The following SH3GL2 variants were observed in gnomAD, a reference collection of about 807,000 sequenced individuals.
SH3GL2 encodes SH3 domain containing GRB2 like 2, endophilin A1, also known as endophilin-A1.
Under a neutral mutation model 46.0 loss-of-function variants are expected in SH3GL2, and 24 were observed. That is an observed-to-expected ratio of 0.52 (90% CI 0.38 to 0.73). The LOEUF (loss-of-function observed/expected upper bound fraction) is 0.73, where lower values mean the gene tolerates loss of function less well. Among genes scored for constraint, SH3GL2 ranks in the 30% least tolerant of loss-of-function variants. The probability of loss-of-function intolerance (pLI) is 0.00; values close to 1 mark genes in which losing one functional copy is unlikely to be tolerated. For synonymous variants in SH3GL2, 196 were observed against 147.1 expected (o/e 1.33, Z -2.40); for missense variants, 413 against 424.2 (o/e 0.97, Z 0.23).
chr9:17,782,027 A>C (rs530256162), intron 3 of SH3GL2, among the ~76,000 whole-genome samples: 2 of 152,260 alleles, frequency 1.3e-5, no homozygotes, highest in African/African-American at 4.8e-5. Context: ...CCCCCTAGAC[A>C]TAGCACTTGC....
chr9:17,679,801 C>G (rs1197641966), intron 1 of SH3GL2, among the ~76,000 whole-genome samples: 1 of 152,010 alleles, frequency 6.6e-6, no homozygotes, highest in African/African-American at 2.4e-5. Flanking sequence ...GAGATATGTC[C>G]CATCAATACC....
At chr9:17,687,922 A>G (rs1223772196) in intron 1 of SH3GL2, among the ~76,000 whole-genome samples, 4 of 152,134 alleles carry the variant, frequency 2.6e-5, no homozygotes, top group African/African-American at 9.7e-5. Context: ...CTGTTATGTA[A>G]CAAAATTCAT....
intron 1 of SH3GL2, among the ~76,000 whole-genome samples, chr9:17,591,772 A>G (rs1422883351): frequency 1.3e-5 from 2 of 152,340 alleles, no homozygotes; most frequent in African/African-American, 4.8e-5. Flanking sequence ...CTAAGCTCAT[A>G]GTGTCCAGTA....
At chr9:17,738,174 T>C (rs1822396385) in intron 1 of SH3GL2, among the ~76,000 whole-genome samples, 1 of 152,130 alleles carries the variant, frequency 6.6e-6, no homozygotes, top group South Asian at 2.1e-4. Flanking sequence ...AGGTATATAG[T>C]AGGCATTCAA....
intron 1 of SH3GL2, among the ~76,000 whole-genome samples, chr9:17,732,565 T>A (rs892863029): frequency 1.3e-5 from 2 of 152,202 alleles, no homozygotes; most frequent in East Asian, 1.9e-4. Flanking sequence ...AACGATAGTT[T>A]AAAATACTGT....
chr9:17,657,448 C>G (rs114610132), intron 1 of SH3GL2, among the ~76,000 whole-genome samples: 1 of 152,090 alleles, frequency 6.6e-6, no homozygotes, highest in East Asian at 1.9e-4. Flanking sequence ...GTGGTTGTAC[C>G]ACAAACAGAG....
At chr9:17,733,248 C>A (rs1822231872) in intron 1 of SH3GL2, among the ~76,000 whole-genome samples, 1 of 148,122 alleles carries the variant, frequency 6.8e-6, no homozygotes. Flanking sequence ...CTCTCACATT[C>A]TCTTTTTTTA....
chr9:17,720,773 C>G (rs186002684), intron 1 of SH3GL2, among the ~76,000 whole-genome samples: 3 of 152,146 alleles, frequency 2.0e-5, no homozygotes, highest in African/African-American at 7.2e-5. Flanking sequence ...TTTCAGAAAG[C>G]CTAATGGTCT....
Position 17,753,471 on chromosome 9 carries a change from T to C in SH3GL2, c.114+6337T>C, listed in dbSNP as rs142789538. Among the ~76,000 whole-genome samples the C allele has an allele frequency of 2.0e-3, 300 of 152,344 alleles. 2 individuals are homozygous for C. The highest frequency in any genetic ancestry group is 6.9e-3 in the African/African-American group (289 of 41,588). On this transcript the variant is annotated intron_variant, in intron 2 of 8. Transcript: ENST00000380607. ...CATATGTTTCTTGGCCACATAAATGTCTTCTTTTGAAAAGTATTCATGTCC... is the reference window on the plus strand; with the variant it reads ...CATATGTTTCTTGGCCACATAAATGCCTTCTTTTGAAAAGTATTCATGTCC...
intron 1 of SH3GL2, among the ~76,000 whole-genome samples, chr9:17,592,476 C>G (rs1200873341): frequency 6.6e-6 from 1 of 152,200 alleles, no homozygotes; most frequent in African/African-American, 2.4e-5. Context: ...GGAAAAATCA[C>G]TATTAATTAT....
chr9:17,687,652 A>G (rs978681739), intron 1 of SH3GL2, among the ~76,000 whole-genome samples: 1 of 152,118 alleles, frequency 6.6e-6, no homozygotes, highest in Non-Finnish European at 1.5e-5. Flanking sequence ...ACTGAAAATC[A>G]TGTTCCCTAT....
intron 3 of SH3GL2, among the ~76,000 whole-genome samples, chr9:17,782,703 C>T (rs1217847324): frequency 6.6e-6 from 1 of 151,960 alleles, no homozygotes; most frequent in Non-Finnish European, 1.5e-5. Context: ...CATGGTACTT[C>T]TGAACAGGAA....
At chr9:17,659,206 A>T (rs185477517) in intron 1 of SH3GL2, among the ~76,000 whole-genome samples, 2 of 152,278 alleles carry the variant, frequency 1.3e-5, no homozygotes, top group East Asian at 3.9e-4. Flanking sequence ...TTACACTGGG[A>T]TCCCATATTA....
intron 1 of SH3GL2, among the ~76,000 whole-genome samples, chr9:17,688,341 A>G (rs751531504): frequency 1.3e-5 from 2 of 152,122 alleles, no homozygotes; most frequent in African/African-American, 2.4e-5. Flanking sequence ...AACGGTGAAA[A>G]AAAATGTAGT....
At chr9:17,723,471 C>T (rs530978298) in intron 1 of SH3GL2, among the ~76,000 whole-genome samples, 5 of 152,174 alleles carry the variant, frequency 3.3e-5, no homozygotes, top group Admixed American at 6.5e-5. Context: ...AACCTAAATA[C>T]AGAGCAGTTC....
intron 1 of SH3GL2, among the ~76,000 whole-genome samples, chr9:17,654,597 C>G (rs1163074090): frequency 6.6e-6 from 1 of 152,158 alleles, no homozygotes; most frequent in Non-Finnish European, 1.5e-5. Context: ...GAAAGTTAAT[C>G]TTTATCATCT....
rs966355271 is a variant in SH3GL2, at chr9:17,774,561, T to G, written c.188-11820T>G. On this transcript the variant is annotated intron_variant, in intron 3 of 8. Coordinates refer to ENST00000380607, the MANE Select transcript of SH3GL2 (RefSeq NM_003026.5). ...ATGATCGTGTGTGTGGTTTTTTTTT[T>G]TACTCTATTTTGTTAATGTGAGGTA... is the stretch of plus-strand genomic sequence containing the variant. Among the ~76,000 whole-genome samples, 10 of 152,192 alleles carry G rather than the reference T, an allele frequency of 6.6e-5. 1 individual carries two copies. The highest frequency in any genetic ancestry group is 2.2e-4 in the African/African-American group (9 of 41,540).
intron 1 of SH3GL2, among the ~76,000 whole-genome samples, chr9:17,720,226 T>C (rs1054697287): frequency 5.9e-5 from 9 of 152,164 alleles, no homozygotes; most frequent in Non-Finnish European, 8.8e-5. Flanking sequence ...CATCATCTTA[T>C]GCCTCTTTAC....
At chr9:17,791,178 T>A (rs879010674) in intron 6 of SH3GL2, 53 bp from the exon 7 acceptor site, 2 of 1,293,006 alleles carry the variant, frequency 1.5e-6, no homozygotes. Context: ...GTAGTGGCTG[T>A]TTAGGGATGG....
Sources: allele counts gnomAD v4.1 joint callset (sites outside exome capture counted in the v4.1 genomes callset), GRCh38; gene constraint gnomAD v4.1.1; transcripts MANE v1.5; gene names NCBI Gene and HGNC (gene_info 2026-07-23, HGNC 2026-07-21).